The following SEPTIN14 variants were observed in gnomAD, a reference collection of about 807,000 sequenced individuals.
The protein encoded by SEPTIN14 is septin-14.
In SEPTIN14, 40 loss-of-function variants were observed where a neutral mutation model predicts 53.6. The observed-to-expected ratio is 0.75, with a 90% CI of 0.58 to 0.97. The LOEUF (loss-of-function observed/expected upper bound fraction) is 0.97, where lower values mean the gene tolerates loss of function less well. SEPTIN14 is among the 50% of genes least tolerant of loss of function. The pLI is 0.00. For synonymous variants in SEPTIN14, 138 were observed against 166.8 expected, an observed-to-expected ratio of 0.83 and a Z score of 1.33; for missense variants, 471 against 508.2, an observed-to-expected ratio of 0.93 and a Z score of 0.70.
intron 6 of SEPTIN14, among the ~76,000 whole-genome samples, chr7:55,831,809 G>A (rs1789112424): frequency 1.3e-5 from 2 of 152,092 alleles, no homozygotes; most frequent in African/African-American, 4.8e-5. Flanking sequence ...AGACTGCAAA[G>A]GATATGAACA....
intron 5 of SEPTIN14, among the ~76,000 whole-genome samples, chr7:55,838,490 T>C (rs996715429): frequency 4.9e-4 from 74 of 150,704 alleles, no homozygotes; most frequent in African/African-American, 1.7e-3. Context: ...CCTTCCCTCC[T>C]TCTTTCTTTT....
chr7:55,857,102 G>A (rs1367287998), intron 2 of SEPTIN14, among the ~76,000 whole-genome samples: 1 of 151,726 alleles, frequency 6.6e-6, no homozygotes, highest in African/African-American at 2.4e-5. Context: ...GATGGGCGTG[G>A]TGGCTTACAC....
chr7:55,854,515 C>T (rs373218638), intron 2 of SEPTIN14, among the ~76,000 whole-genome samples: 8 of 151,480 alleles, frequency 5.3e-5, no homozygotes, highest in Non-Finnish European at 1.0e-4. Context: ...CTGCAAGCTC[C>T]GCCTCCCGGG....
chr7:55,823,774 CTTTG>C (rs1380400954), intron 6 of SEPTIN14, among the ~76,000 whole-genome samples: 2 of 152,144 alleles, frequency 1.3e-5, no homozygotes, highest in Non-Finnish European at 2.9e-5. Flanking sequence ...TGCAGCAATC[CTTTG>C]TTTGTTTGCA....
intron 8 of SEPTIN14, 30 bp downstream of exon 8, chr7:55,807,060 T>G: frequency 6.6e-7 from 1 of 1,514,802 alleles, no homozygotes; most frequent in Non-Finnish European, 8.9e-7. Flanking sequence ...AAATTATCCA[T>G]TTGGTTGTGC....
intron 9 of SEPTIN14, among the ~76,000 whole-genome samples, chr7:55,796,978 C>T (rs1460043038): frequency 1.3e-5 from 2 of 152,000 alleles, no homozygotes; most frequent in African/African-American, 4.8e-5. Flanking sequence ...CAAAAAGTAG[C>T]TGGGTGTGGT....
chr7:55,806,567 G>C (rs778199155), intron 8 of SEPTIN14, among the ~76,000 whole-genome samples: 42 of 151,146 alleles, frequency 2.8e-4, no homozygotes, highest in Non-Finnish European at 3.2e-4. Context: ...GGGTTCAAGC[G>C]ATTCTCCTGC....
intron 5 of SEPTIN14, among the ~76,000 whole-genome samples, chr7:55,835,807 A>G (rs1217973267): frequency 6.6e-6 from 1 of 152,078 alleles, no homozygotes; most frequent in Non-Finnish European, 1.5e-5. Context: ...CAATGGCGCA[A>G]TCTAGGCTCA....
At chr7:55,804,017 A>G (rs1584250757) in intron 9 of SEPTIN14, among the ~76,000 whole-genome samples, 1 of 149,532 alleles carries the variant, frequency 6.7e-6, no homozygotes, top group Admixed American at 6.7e-5. Context: ...GCGCCTGTAG[A>G]CCCAGCTACT....
At chr7:55,809,499 G>A (rs1432021536) in intron 7 of SEPTIN14, among the ~76,000 whole-genome samples, 1 of 151,548 alleles carries the variant, frequency 6.6e-6, no homozygotes, top group Non-Finnish European at 1.5e-5. Context: ...GGGATTACAG[G>A]AGCGCGCCAC....
chr7:55,808,836 G>A (rs1788649341), intron 7 of SEPTIN14, among the ~76,000 whole-genome samples: 1 of 152,168 alleles, frequency 6.6e-6, no homozygotes, highest in Admixed American at 6.6e-5. Context: ...ACAGGCATGA[G>A]CCACCACGCT....
intron 9 of SEPTIN14, among the ~76,000 whole-genome samples, chr7:55,799,333 C>T (rs1039521848): frequency 1.3e-5 from 2 of 148,198 alleles, no homozygotes; most frequent in Non-Finnish European, 3.0e-5. Flanking sequence ...TGGTGAAACG[C>T]CATCTCTACT....
chr7:55,797,067 A>G (rs112027906), intron 9 of SEPTIN14, among the ~76,000 whole-genome samples: 64,861 of 151,788 alleles, frequency 0.43, 14,583 homozygotes, highest in African/African-American at 0.57. Flanking sequence ...AGGTTGCAGT[A>G]AGCCGAGACC....
intron 2 of SEPTIN14, among the ~76,000 whole-genome samples, chr7:55,847,443 TTG>T (rs1789434723): frequency 6.6e-6 from 1 of 152,166 alleles, no homozygotes; most frequent in Admixed American, 6.6e-5. Context: ...ATTGAACATA[TTG>T]TAAGTCAAAA....
intron 6 of SEPTIN14, among the ~76,000 whole-genome samples, chr7:55,833,740 GA>G (rs1789154677): frequency 6.7e-6 from 1 of 148,720 alleles, no homozygotes; most frequent in African/African-American, 2.5e-5. Flanking sequence ...ATTAATCAAT[GA>G]AGCTAAGAGT....
At chr7:55,832,139 T>C (rs1162582092) in intron 6 of SEPTIN14, among the ~76,000 whole-genome samples, 17 of 151,720 alleles carry the variant, frequency 1.1e-4, no homozygotes, top group Admixed American at 9.9e-4. Flanking sequence ...AGGCAGAGGT[T>C]GCAGTGAGAT....
chr7:55,841,765 G>A (rs1299046927), intron 5 of SEPTIN14, among the ~76,000 whole-genome samples: 2 of 149,698 alleles, frequency 1.3e-5, no homozygotes, highest in African/African-American at 4.9e-5. Flanking sequence ...TGAGGCAGGA[G>A]AATCGCTTGA....
chr7:55,821,649 C>T (rs1788898510), intron 6 of SEPTIN14, among the ~76,000 whole-genome samples: 1 of 151,986 alleles, frequency 6.6e-6, no homozygotes, highest in Non-Finnish European at 1.5e-5. Context: ...AGGGTTAATC[C>T]CTCCTTACCT....
chr7:55,834,405 G>C lies in SEPTIN14; in HGVS notation c.720+20C>G, dbSNP rs1367712630. 6.3e-7 allele frequency: 1 copy of C among 1,580,498 alleles called. No individual in the cohort carries two copies. The highest frequency in any genetic ancestry group is 8.6e-7 in the Non-Finnish European group (1 of 1,165,252). ...ACACTCATTTCTAGCCTCTTTGTCA[G>C]ATATGTTACTGAAACTTACACTAAC... On this transcript the variant is annotated intron_variant, in intron 6 of 9. Coordinates refer to ENST00000388975, the MANE Select transcript of SEPTIN14 (RefSeq NM_207366.3).
Sources: gnomAD v4.1 joint callset for allele counts (sites outside exome capture counted in the v4.1 genomes callset) on GRCh38, gnomAD v4.1.1 for gene constraint, MANE v1.5 for transcripts, NCBI Gene and HGNC (gene_info 2026-07-23, HGNC 2026-07-21) for gene names.